UTP6: variants seen among roughly 807,000 people sequenced by gnomAD.
UTP6 encodes UTP6 small subunit processome component.
A neutral mutation model predicts 96.5 loss-of-function variants in UTP6; 60 were observed. The observed-to-expected ratio is 0.62, with a 90% confidence interval of 0.51 to 0.77. The LOEUF (loss-of-function observed/expected upper bound fraction) is 0.77, where lower values mean the gene tolerates loss of function less well. Ranked by LOEUF, UTP6 falls within the 30% of genes least tolerant of loss-of-function variation. The pLI, the probability that UTP6 is intolerant of heterozygous loss-of-function variation, is 0.00. For missense variants in UTP6, 637 were observed against 706.5 expected (o/e 0.90, Z 1.12); for synonymous variants, 215 against 240.1 (o/e 0.90, Z 0.96).
At chr17:31,891,517 T>C (rs1199631609) in intron 6 of UTP6, among the ~76,000 whole-genome samples, 1 of 152,154 alleles carries the variant, frequency 6.6e-6, no homozygotes, top group Admixed American at 6.6e-5. Flanking sequence ...GAATAGGTGC[T>C]GAGGCCCCTC....
intron 2 of UTP6, among the ~76,000 whole-genome samples, chr17:31,898,753 A>G (rs1394354446): frequency 1.3e-5 from 2 of 151,490 alleles, no homozygotes; most frequent in East Asian, 3.9e-4. Context: ...AAGTAAGGCT[A>G]GGACCGAGCA....
chr17:31,893,933 G>C (rs1904480676), intron 4 of UTP6, among the ~76,000 whole-genome samples: 1 of 151,754 alleles, frequency 6.6e-6, no homozygotes, highest in African/African-American at 2.4e-5. Flanking sequence ...ATCTCAATCT[G>C]GGGTAGCAAT....
intron 10 of UTP6, 52 bp downstream of exon 10, chr17:31,884,372 T>A (rs1228848136): frequency 2.8e-6 from 4 of 1,422,424 alleles, no homozygotes; most frequent in Non-Finnish European, 3.9e-6. Context: ...CTCAAACCCT[T>A]AATCTCAAGA....
chr17:31,880,425 TAAAAAA>T, intron 11 of UTP6, 142 bp downstream of exon 11: 1 of 662,950 alleles, frequency 1.5e-6, no homozygotes, highest in Non-Finnish European at 2.2e-6. Flanking sequence ...TGCCTCCCAA[TAAAAAA>T]AAAAAAAAAA....
In UTP6 at chr17:31,901,548, T is replaced by A. The variant is rs1411829153; in HGVS notation, c.80A>T (p.His27Leu). Residue 27 changes from histidine to leucine, a missense_variant, in exon 1 of 19, where the codon CAT becomes CTT. Physicochemically the swap from His to Leu is moderately conservative, Grantham distance 99 (BLOSUM62 -3). Transcript: ENST00000261708. The stretch of plus-strand genomic sequence containing the variant: ...AACCCTCTCTCACTTAATCTCCGCA[T>A]GACTGAACAGTCCAATGCGCTCCAG... ...EQLERIGLFS[H>L]AEIKAIIKKA... is the part of the protein sequence containing the mutation. 6.2e-7 allele frequency: 1 copy of A among 1,614,052 alleles called. No homozygotes were observed. The highest frequency in any genetic ancestry group is 8.5e-7 in the Non-Finnish European group (1 of 1,180,004).
intron 10 of UTP6, among the ~76,000 whole-genome samples, chr17:31,883,407 C>T (rs1910960595): frequency 6.6e-6 from 1 of 151,582 alleles, no homozygotes; most frequent in Admixed American, 6.6e-5. Context: ...CCTCCACCTC[C>T]CGGCTTCAAG....
chr17:31,878,359 A>G, intron 12 of UTP6, 32 bp from the exon 13 acceptor site: 1 of 1,610,160 alleles, frequency 6.2e-7, no homozygotes. Context: ...AGTTCATTAC[A>G]AAGATCCCAG....
intron 1 of UTP6, among the ~76,000 whole-genome samples, chr17:31,900,476 G>A (rs1029251230): frequency 2.0e-5 from 3 of 152,012 alleles, no homozygotes; most frequent in Non-Finnish European, 4.4e-5. Flanking sequence ...ATTTTTAGTA[G>A]AGACGGGGTT....
intron 17 of UTP6, among the ~76,000 whole-genome samples, chr17:31,867,434 G>C (rs1909889260): frequency 6.7e-6 from 1 of 149,994 alleles, no homozygotes; most frequent in Non-Finnish European, 1.5e-5. Flanking sequence ...CTTGAACCCA[G>C]GATGCAGAGT....
At chr17:31,896,374 G>A (rs966311790) in intron 2 of UTP6, among the ~76,000 whole-genome samples, 4 of 152,024 alleles carry the variant, frequency 2.6e-5, no homozygotes, top group South Asian at 4.1e-4. Flanking sequence ...TACCGCGCTC[G>A]GCCCCTACAC....
chr17:31,865,877 G>C (rs992457833), intron 17 of UTP6, among the ~76,000 whole-genome samples: 1 of 151,994 alleles, frequency 6.6e-6, no homozygotes, highest in Non-Finnish European at 1.5e-5. Flanking sequence ...GCAAGTTTTT[G>C]AACCCTTTGA....
At chr17:31,894,833 CAAAT>C in intron 3 of UTP6, 96 bp from the exon 4 acceptor site, 1 of 1,284,368 alleles carries the variant, frequency 7.8e-7, no homozygotes, top group Non-Finnish European at 1.1e-6. Flanking sequence ...ATGAAGCAAA[CAAAT>C]AATTACAAAT....
intron 16 of UTP6, among the ~76,000 whole-genome samples, chr17:31,872,518 T>C (rs9900031): frequency 0.84 from 126,631 of 150,820 alleles, 53,360 homozygotes; most frequent in South Asian, 0.89. Flanking sequence ...AAAAAAAAAA[T>C]GTTTTAAGTT....
At position 31,875,305 on chromosome 17, in the gene UTP6, C is replaced by G. The variant is rs773858183; in HGVS notation, c.1234G>C (p.Val412Leu). 6.2e-7 allele frequency: 1 copy of G among 1,614,194 alleles called. No individual in the cohort carries two copies. The highest frequency in any genetic ancestry group is 1.3e-5 in the African/African-American group (1 of 75,052). ...SGTMWQLKLQ[V>L]LIESKSPDIA... ...TCAGGGCTCTTTGACTCGATCAGCA[C>G]CTGCAGCTTCAGCTGCCACATTGTC... The change falls in exon 14 of 19, where the codon GTG becomes CTG. Residue 412 changes from valine (V) to leucine (L), a missense_variant. Coordinates refer to ENST00000261708, the MANE Select transcript of UTP6 (RefSeq NM_018428.3).
At chr17:31,879,564 CAG>C (rs1439512999) in intron 11 of UTP6, among the ~76,000 whole-genome samples, 1 of 151,776 alleles carries the variant, frequency 6.6e-6, no homozygotes, top group Non-Finnish European at 1.5e-5. Flanking sequence ...CCCAGCTACT[CAG>C]GGGGTTGAGG....
At chr17:31,901,107 A>C (rs981305318) in intron 1 of UTP6, among the ~76,000 whole-genome samples, 1 of 152,168 alleles carries the variant, frequency 6.6e-6, no homozygotes, top group African/African-American at 2.4e-5. Flanking sequence ...CCCACCTTCA[A>C]GTCTAGTTAG....
chr17:31,894,975 T>C lies in UTP6; in HGVS notation c.214A>G (p.Arg72Gly). ...CTAGAAAATCTTCTACTTACTGTTC[T>C]TCTTCTCTGGATCAGCTCCAAAAGA... ...INLLELIQRR[R>G]TRIGYSFKKD... Residue 72 changes from arginine (R) to glycine (G), a missense_variant, in exon 3 of 19, where the codon AGA (arginine) becomes GGA (glycine). By Grantham distance (125) the Arg-to-Gly change is moderately radical. Coordinates refer to ENST00000261708, the MANE Select transcript of UTP6 (RefSeq NM_018428.3). 1 of 1,562,642 alleles carries C rather than the reference T, an allele frequency of 6.4e-7. No individual in the cohort carries two copies. The highest frequency in any genetic ancestry group is 1.4e-5 in the African/African-American group (1 of 73,808).
At chr17:31,865,584 G>T (rs1008876588) in intron 17 of UTP6, 146 bp from the exon 18 acceptor site, 225 of 736,840 alleles carry the variant, frequency 3.1e-4, no homozygotes, top group Non-Finnish European at 3.7e-5. Context: ...AACTTTTCTA[G>T]GAAAAAAATC....
In UTP6 at chr17:31,894,089, C is replaced by T. The variant is rs553999209; in HGVS notation, c.312+556G>A. Reference sequence around the variant, plus strand: ...TTCGAGACCAGCCTAAAAAACATGACGAAACCCTATGTCTACCAAAAATAC... The same window carrying T: ...TTCGAGACCAGCCTAAAAAACATGATGAAACCCTATGTCTACCAAAAATAC... On this transcript the variant is annotated intron_variant, in intron 4 of 18. Transcript: ENST00000261708. 1.6e-3 allele frequency among the ~76,000 whole-genome samples: 239 copies of T among 151,102 alleles called. 1 individual carries two copies. The highest frequency in any genetic ancestry group is 5.5e-3 in the African/African-American group (226 of 41,182).
Sources: gnomAD v4.1 joint callset for allele counts (sites outside exome capture counted in the v4.1 genomes callset) on GRCh38, gnomAD v4.1.1 for gene constraint, MANE v1.5 for transcripts, NCBI Gene and HGNC (gene_info 2026-07-23, HGNC 2026-07-21) for gene names.